HS6ST1: variants seen among roughly 807,000 people sequenced by gnomAD.
HS6ST1 encodes heparan-sulfate 6-O-sulfotransferase 1.
Under a neutral mutation model 25.2 loss-of-function variants are expected in HS6ST1, and 3 were observed. The ratio of observed to expected loss-of-function variants is 0.12; its 90% CI spans 0.05 to 0.31. The LOEUF (loss-of-function observed/expected upper bound fraction) is 0.31. Among genes scored for constraint, HS6ST1 ranks in the 10% least tolerant of loss-of-function variants. HS6ST1 has a pLI of 1.00. For missense variants in HS6ST1, 310 were observed against 609.6 expected, an observed-to-expected ratio of 0.51 and a Z score of 5.18; for synonymous variants, 204 against 275.1, an observed-to-expected ratio of 0.74 and a Z score of 2.56.
intron 1 of HS6ST1, among the ~76,000 whole-genome samples, chr2:128,274,291 T>C (rs1310481656): frequency 2.0e-5 from 3 of 152,168 alleles, no homozygotes; most frequent in Admixed American, 6.5e-5. Flanking sequence ...GACTAAAAAG[T>C]TGACCCTTGA....
At position 128,308,434 on chromosome 2, in the gene HS6ST1, C is replaced by T. The variant is rs577846539; in HGVS notation, c.527+9603G>A. On this transcript the variant is annotated intron_variant, in intron 1 of 1. Transcript: ENST00000259241. ...GAGCCTCTGTGCAGGGCCAGCATCA[C>T]GTGGCATCCACCCCTTCCTCCTCTT... 3.3e-5 allele frequency among the ~76,000 whole-genome samples: 5 copies of T among 152,326 alleles called. No individual in the cohort carries two copies. In the East Asian group the frequency reaches 5.8e-4, roughly 18 times the overall value.
intron 1 of HS6ST1, among the ~76,000 whole-genome samples, chr2:128,293,207 G>A (rs751105753): frequency 3.3e-5 from 5 of 152,248 alleles, no homozygotes; most frequent in Admixed American, 6.5e-5. Flanking sequence ...GAAGGGCACC[G>A]CTCCCAGGCA....
chr2:128,284,894 C>T (rs1318869988), intron 1 of HS6ST1, among the ~76,000 whole-genome samples: 1 of 152,206 alleles, frequency 6.6e-6, no homozygotes, highest in Non-Finnish European at 1.5e-5. Flanking sequence ...CCCCCACCCC[C>T]CACCTGGTGG....
intron 1 of HS6ST1, among the ~76,000 whole-genome samples, chr2:128,279,290 T>A (rs1314290608): frequency 6.7e-6 from 1 of 149,098 alleles, no homozygotes; most frequent in Non-Finnish European, 1.5e-5. Flanking sequence ...TCCCTAAATG[T>A]GGGTGAGGAC....
At chr2:128,315,813 C>T (rs569227842) in intron 1 of HS6ST1, among the ~76,000 whole-genome samples, 66 of 152,342 alleles carry the variant, frequency 4.3e-4, no homozygotes, top group Admixed American at 3.2e-3. Context: ...ACCTTGGCCT[C>T]CTGATGAAGC....
chr2:128,274,507 T>C (rs146303247), intron 1 of HS6ST1, among the ~76,000 whole-genome samples: 84 of 152,222 alleles, frequency 5.5e-4, no homozygotes, highest in Admixed American at 1.2e-3. Context: ...GAATCTTATT[T>C]TAGGAAGATC....
intron 1 of HS6ST1, among the ~76,000 whole-genome samples, chr2:128,291,436 C>T (rs1693951162): frequency 6.6e-6 from 1 of 152,246 alleles, no homozygotes; most frequent in Admixed American, 6.5e-5. Context: ...AAGCATTAGC[C>T]TCCTCAGTCT....
intron 1 of HS6ST1, among the ~76,000 whole-genome samples, chr2:128,299,790 C>G (rs1161108070): frequency 6.6e-6 from 1 of 152,220 alleles, no homozygotes; most frequent in Non-Finnish European, 1.5e-5. Context: ...AACCCCTCCC[C>G]CATCCCGGCC....
chr2:128,314,180 G>A (rs1041350283), intron 1 of HS6ST1, among the ~76,000 whole-genome samples: 6 of 151,978 alleles, frequency 3.9e-5, no homozygotes, highest in African/African-American at 1.5e-4. Context: ...CGATTATGAA[G>A]GTAAGGTGGA....
intron 1 of HS6ST1, among the ~76,000 whole-genome samples, chr2:128,269,710 G>A (rs896039100): frequency 1.3e-5 from 2 of 152,204 alleles, no homozygotes; most frequent in African/African-American, 4.8e-5. Context: ...TCCTGTCCAC[G>A]CTGGGGTGGG....
intron 1 of HS6ST1, among the ~76,000 whole-genome samples, chr2:128,286,391 G>C (rs892175878): frequency 2.6e-5 from 4 of 152,150 alleles, no homozygotes; most frequent in Non-Finnish European, 5.9e-5. Flanking sequence ...GGGTCAGGGG[G>C]CCTCATCAGA....
rs112326687 is a variant in HS6ST1, at chr2:128,297,398, G to T, written c.527+20639C>A. 2.6e-5 allele frequency among the ~76,000 whole-genome samples: 4 copies of T among 152,224 alleles called. 1 individual carries two copies. Among genetic ancestry groups the T allele is most frequent in the South Asian group, 2.1e-4 (1 of 4,826 alleles). ...ACTCAAAATGGATTAATGACCAATG[G>T]TAAGACCTAAAACTGTCAACTCTTA... On this transcript the variant is annotated intron_variant, in intron 1 of 1. Transcript: ENST00000259241.
intron 1 of HS6ST1, among the ~76,000 whole-genome samples, chr2:128,308,577 A>C (rs1039338504): frequency 6.6e-6 from 1 of 152,202 alleles, no homozygotes; most frequent in African/African-American, 2.4e-5. Flanking sequence ...CAGTCTCTAC[A>C]TCCTGGCTGC....
intron 1 of HS6ST1, among the ~76,000 whole-genome samples, chr2:128,283,102 T>C (rs954600694): frequency 2.0e-5 from 3 of 152,196 alleles, no homozygotes; most frequent in African/African-American, 7.2e-5. Context: ...CCCACAGCTG[T>C]GTGTCCTGGG....
At chr2:128,307,425 C>G (rs1189846698) in intron 1 of HS6ST1, among the ~76,000 whole-genome samples, 1 of 152,220 alleles carries the variant, frequency 6.6e-6, no homozygotes, top group East Asian at 1.9e-4. Flanking sequence ...TGGGATGTAC[C>G]TGGGCCAGCC....
At chr2:128,302,966 C>T (rs1002481296) in intron 1 of HS6ST1, among the ~76,000 whole-genome samples, 8 of 152,246 alleles carry the variant, frequency 5.3e-5, no homozygotes, top group South Asian at 2.1e-4. Context: ...CTGCCTGCAA[C>T]GCCCTCCTGT....
intron 1 of HS6ST1, among the ~76,000 whole-genome samples, chr2:128,276,566 G>A (rs1487554437): frequency 2.0e-5 from 3 of 152,172 alleles, no homozygotes; most frequent in Non-Finnish European, 2.9e-5. Context: ...TCGTGCCTCC[G>A]GTGAGCAGCT....
chr2:128,296,613 T>C (rs186132120), intron 1 of HS6ST1, among the ~76,000 whole-genome samples: 2 of 152,346 alleles, frequency 1.3e-5, no homozygotes, highest in African/African-American at 4.8e-5. Context: ...AATTATGTTT[T>C]TGTTGGCATC....
At chr2:128,286,051 C>T (rs187239166) in intron 1 of HS6ST1, among the ~76,000 whole-genome samples, 8 of 152,328 alleles carry the variant, frequency 5.3e-5, no homozygotes, top group East Asian at 1.9e-4. Context: ...CCATAAAACT[C>T]GTAGACAGAA....
Sources: allele counts gnomAD v4.1 joint callset (sites outside exome capture counted in the v4.1 genomes callset), GRCh38; gene constraint gnomAD v4.1.1; transcripts MANE v1.5; gene names NCBI Gene and HGNC (gene_info 2026-07-23, HGNC 2026-07-21).